The following STAU2 variants were observed in gnomAD, a reference collection of about 807,000 sequenced individuals.
STAU2 encodes double-stranded RNA-binding protein Staufen homolog 2.
In STAU2, 20 loss-of-function variants were observed where a neutral mutation model predicts 65.9. The ratio of observed to expected loss-of-function variants is 0.30; its 90% CI spans 0.21 to 0.44. STAU2 has a LOEUF of 0.44. Among genes scored for constraint, STAU2 ranks in the 20% least tolerant of loss-of-function variants. STAU2 has a pLI of 1.00. For synonymous variants in STAU2, 232 were observed against 233.9 expected, an observed-to-expected ratio of 0.99 and a Z score of 0.07; for missense variants, 558 against 683.9, an observed-to-expected ratio of 0.82 and a Z score of 2.05.
chr8:73,659,980 A>C (rs1477883360), intron 6 of STAU2, among the ~76,000 whole-genome samples: 2 of 152,208 alleles, frequency 1.3e-5, no homozygotes, highest in East Asian at 3.8e-4. Context: ...GTAGAGAATA[A>C]TGCTTAAACT....
intron 13 of STAU2, among the ~76,000 whole-genome samples, chr8:73,470,823 T>A (rs1170667877): frequency 2.0e-5 from 3 of 147,030 alleles, no homozygotes; most frequent in South Asian, 2.2e-4. Context: ...AATTTTTTTT[T>A]AAATAATAGA....
chr8:73,454,059 A>C (rs1585789752), intron 13 of STAU2, among the ~76,000 whole-genome samples: 1 of 119,798 alleles, frequency 8.3e-6, no homozygotes, highest in South Asian at 2.9e-4. Context: ...TATTTTTTAC[A>C]AAAAAAAATT....
chr8:73,703,158 G>A (rs946809775), intron 4 of STAU2, among the ~76,000 whole-genome samples: 5 of 152,154 alleles, frequency 3.3e-5, no homozygotes, highest in African/African-American at 1.2e-4. Flanking sequence ...GTTGGAGGTG[G>A]GGTCTGGGGA....
intron 13 of STAU2, among the ~76,000 whole-genome samples, chr8:73,465,788 A>G (rs1217858551): frequency 6.6e-6 from 1 of 151,956 alleles, no homozygotes; most frequent in Non-Finnish European, 1.5e-5. Context: ...ATTGCAGCCT[A>G]TTTCTCACCC....
intron 13 of STAU2, among the ~76,000 whole-genome samples, chr8:73,499,317 G>C (rs1048258465): frequency 2.0e-5 from 3 of 151,886 alleles, no homozygotes; most frequent in African/African-American, 7.2e-5. Flanking sequence ...TGGAGGTTGA[G>C]AGGGCATCAA....
chr8:73,656,986 A>G (rs1413655923), intron 6 of STAU2, among the ~76,000 whole-genome samples: 1 of 152,246 alleles, frequency 6.6e-6, no homozygotes, highest in Non-Finnish European at 1.5e-5. Flanking sequence ...GGCGAACACT[A>G]GGTATTAATG....
chr8:73,697,548 G>C (rs1257142081), intron 4 of STAU2: 2 of 152,188 alleles, frequency 1.3e-5, no homozygotes, highest in Non-Finnish European at 2.9e-5. Context: ...CACTGTACCT[G>C]TGGTGTATAA....
At chr8:73,662,756 A>C (rs970561960) in intron 6 of STAU2, among the ~76,000 whole-genome samples, 12 of 152,216 alleles carry the variant, frequency 7.9e-5, no homozygotes, top group African/African-American at 2.9e-4. Context: ...AGCTGGGGTT[A>C]CAGGCATGCG....
chr8:73,518,493 G>A (rs935608322), intron 13 of STAU2, among the ~76,000 whole-genome samples: 2 of 152,140 alleles, frequency 1.3e-5, no homozygotes, highest in African/African-American at 4.8e-5. Context: ...GTGGCCATAG[G>A]CAATACCAAA....
chr8:73,490,134 A>G (rs1585863849), intron 13 of STAU2, among the ~76,000 whole-genome samples: 1 of 152,106 alleles, frequency 6.6e-6, no homozygotes, highest in Non-Finnish European at 1.5e-5. Context: ...TTGTGCCATC[A>G]CTTTGTTTTT....
intron 11 of STAU2, chr8:73,590,997 G>C (rs79004090): frequency 6.6e-6 from 1 of 152,100 alleles, no homozygotes; most frequent in Admixed American, 6.6e-5. Context: ...ACTGCCTACA[G>C]ATCTGCTAAA....
chr8:73,594,534 C>T (rs1240560748), intron 11 of STAU2, among the ~76,000 whole-genome samples: 1 of 152,156 alleles, frequency 6.6e-6, no homozygotes. Flanking sequence ...CAAAATGATA[C>T]TTAATACAAA....
chr8:73,729,034 G>A (rs1156700433), intron 3 of STAU2, among the ~76,000 whole-genome samples: 4 of 152,184 alleles, frequency 2.6e-5, no homozygotes, highest in Non-Finnish European at 4.4e-5. Flanking sequence ...TTACTATTGA[G>A]TTGGATGTTA....
At chr8:73,464,613 C>T (rs1819552521) in intron 13 of STAU2, among the ~76,000 whole-genome samples, 1 of 152,178 alleles carries the variant, frequency 6.6e-6, no homozygotes. Flanking sequence ...CACACACACA[C>T]ACACACACAC....
intron 5 of STAU2, among the ~76,000 whole-genome samples, chr8:73,679,653 G>A (rs1184554039): frequency 1.4e-5 from 2 of 144,322 alleles, no homozygotes; most frequent in African/African-American, 5.3e-5. Flanking sequence ...AGGCCAAGGT[G>A]AGTGGATCGC....
rs577404485 is a variant in STAU2 at position 73,507,114 on chromosome 8, T to C, written c.1530+44898A>G. ...AACTTCTTCCAAATCCCTGCTAATGTTGATAATGTTGACCTCCTCCCATGA... is the reference window on the plus strand; with the variant it reads ...AACTTCTTCCAAATCCCTGCTAATGCTGATAATGTTGACCTCCTCCCATGA... On this transcript the variant is annotated intron_variant, in intron 13 of 14. Transcript: ENST00000524300. Among the ~76,000 whole-genome samples the C allele has an allele frequency of 3.9e-5, 6 of 152,292 alleles. No homozygotes were observed. In the South Asian group the frequency reaches 1.0e-3, roughly 26 times the overall value.
chr8:73,740,639 C>G (rs1473903788), intron 1 of STAU2, among the ~76,000 whole-genome samples: 1 of 151,950 alleles, frequency 6.6e-6, no homozygotes, highest in African/African-American at 2.4e-5. Flanking sequence ...GAAAACAGTT[C>G]ATTTAAAAAG....
intron 9 of STAU2, 109 bp from the exon 10 acceptor site, chr8:73,603,972 C>A: frequency 1.7e-6 from 2 of 1,174,076 alleles, no homozygotes; most frequent in Non-Finnish European, 2.3e-6. Context: ...AAAACTGTGA[C>A]TAGAAAAGAT....
intron 9 of STAU2, 149 bp from the exon 10 acceptor site, chr8:73,604,012 G>T: frequency 1.1e-6 from 1 of 945,988 alleles, no homozygotes; most frequent in Non-Finnish European, 1.5e-6. Context: ...ATTTATAAAG[G>T]AAAATCATAA....
Sources: gnomAD v4.1 joint callset for allele counts (sites outside exome capture counted in the v4.1 genomes callset) on GRCh38, gnomAD v4.1.1 for gene constraint, MANE v1.5 for transcripts, NCBI Gene and HGNC (gene_info 2026-07-23, HGNC 2026-07-21) for gene names.